AJAP1: variants seen among roughly 807,000 people sequenced by gnomAD.
The protein encoded by AJAP1 is adherens junction-associated protein 1.
In AJAP1, 5 loss-of-function variants were observed where a neutral mutation model predicts 35.0. The ratio of observed to expected loss-of-function variants is 0.14; its 90% CI spans 0.07 to 0.30. The LOEUF (loss-of-function observed/expected upper bound fraction) is 0.30, where lower values mean the gene tolerates loss of function less well. AJAP1 is among the 10% of genes least tolerant of loss of function. The probability of loss-of-function intolerance (pLI) is 1.00; values close to 1 mark genes in which losing one functional copy is unlikely to be tolerated. For missense variants in AJAP1, 586 were observed against 571.0 expected (o/e 1.03, Z -0.27); for synonymous variants, 284 against 249.3 (o/e 1.14, Z -1.31).
intron 3 of AJAP1, among the ~76,000 whole-genome samples, chr1:4,770,457 T>G (rs1641810111): frequency 6.6e-6 from 1 of 152,148 alleles, no homozygotes; most frequent in Admixed American, 6.5e-5. Context: ...TTTGCCTATT[T>G]CCTCCTAGAA....
At chr1:4,754,409 G>T (rs1051643299) in intron 2 of AJAP1, among the ~76,000 whole-genome samples, 6 of 152,190 alleles carry the variant, frequency 3.9e-5, no homozygotes, top group African/African-American at 7.2e-5. Flanking sequence ...TTCTCCTGTA[G>T]CAGAGACTCC....
chr1:4,781,369 C>T (rs1161482352), intron 5 of AJAP1, among the ~76,000 whole-genome samples: 1 of 152,200 alleles, frequency 6.6e-6, no homozygotes, highest in East Asian at 1.9e-4. Flanking sequence ...CCCACGTTCA[C>T]AAACACTACC....
Position 4,788,649 on chromosome 1 carries a change from T to G in AJAP1, c.*6164T>G, listed in dbSNP as rs1422180255. Reference sequence around the variant, plus strand: ...GCTCCCCTCAGAACAGCCAGCCCGGTGCAGAAGCACTTGAACTTCTCATCT... The same window carrying G: ...GCTCCCCTCAGAACAGCCAGCCCGGGGCAGAAGCACTTGAACTTCTCATCT... On this transcript the variant is annotated 3_prime_UTR_variant, in exon 6 of 6. Transcript: ENST00000378191. 1 of 152,344 alleles carries G rather than the reference T, an allele frequency of 6.6e-6. No individual in the cohort carries two copies. Among genetic ancestry groups the G allele is most frequent in the Non-Finnish European group, 1.5e-5 (1 of 68,162 alleles). The allele number at this position is 152,344 out of a possible 1,614,324, so 9.4% of individuals were successfully genotyped here. A position where few individuals can be genotyped will look rare whatever the true frequency, so the allele number is the denominator to read the frequency against.
rs1642254044 is a variant in AJAP1 at position 4,791,909 on chromosome 1, T to C, written c.*9424T>C. 6.6e-6 allele frequency: 1 copy of C among 152,166 alleles called. No homozygotes were observed. The highest frequency in any genetic ancestry group is 6.6e-5 in the Admixed American group (1 of 15,262). 9.4% of individuals were successfully genotyped at this position (152,166 alleles called of 1,614,324 possible). The stretch of plus-strand genomic sequence containing the variant: ...TCCCCCCTCCTCCTCAGCTCACCCA[T>C]GGAACTAGAAATTCACAAACCTGAA... On this transcript the variant is annotated 3_prime_UTR_variant, in exon 6 of 6. Transcript: ENST00000378191.
chr1:4,715,036 G>A (rs1366962274), intron 2 of AJAP1, among the ~76,000 whole-genome samples: 1 of 152,156 alleles, frequency 6.6e-6, no homozygotes, highest in African/African-American at 2.4e-5. Flanking sequence ...AGTAGAGGGG[G>A]ATGGGGCAGG....
rs540955780 is a variant in AJAP1 at position 4,791,390 on chromosome 1, G to A, written c.*8905G>A. The A allele has an allele frequency of 9.2e-5, 14 of 152,350 alleles. No homozygotes were observed. The highest frequency in any genetic ancestry group is 2.6e-4 in the African/African-American group (11 of 41,582). 9.4% of individuals were successfully genotyped at this position (152,350 alleles called of 1,614,324 possible). A position where few individuals can be genotyped will look rare whatever the true frequency, so the allele number is the denominator to read the frequency against. ...TTTAGAAAATACCAATAACCAAACA[G>A]AAGGGAAATGTCTGGAACCTTCCAG... On this transcript the variant is annotated 3_prime_UTR_variant, in exon 6 of 6. Transcript: ENST00000378191.
rs1640124451 is a variant in AJAP1, at chr1:4,707,433, G to A, written c.30-4467G>A. Among the ~76,000 whole-genome samples, 3 of 151,694 alleles carry A rather than the reference G, an allele frequency of 2.0e-5. No individual in the cohort carries two copies. In the South Asian group the frequency reaches 6.3e-4, roughly 32 times the overall value. On this transcript the variant is annotated intron_variant, in intron 1 of 5. Transcript: ENST00000378191. The stretch of plus-strand genomic sequence containing the variant: ...CCCTACCCCATTACCCCTTCCCCAA[G>A]CCTTGGGCAATTGCTCATCTTTCTG...
rs72639925 is a variant in AJAP1, at chr1:4,768,520, G to A, written c.830-1333G>A. Among the ~76,000 whole-genome samples, 548 of 152,340 alleles carry A rather than the reference G, an allele frequency of 3.6e-3. 3 individuals carry two copies. The highest frequency in any genetic ancestry group is 6.6e-3 in the Non-Finnish European group (446 of 68,036). ...TTTAAGAGACTGTCCTTGGGAGGCC[G>A]CCAGAAAAATCTTGACACTGAAACC... On this transcript the variant is annotated intron_variant, in intron 2 of 5. Transcript: ENST00000378191.
In AJAP1 at chr1:4,723,732, T is replaced by C. The variant is rs1218420368; in HGVS notation, c.829+11033T>C. ...TGCAGGGGTTTGGGGAAAGGGAAGCTGTAGTTGGAGGACTATGGAGGTGGA... is the reference window on the plus strand; with the variant it reads ...TGCAGGGGTTTGGGGAAAGGGAAGCCGTAGTTGGAGGACTATGGAGGTGGA... On this transcript the variant is annotated intron_variant, in intron 2 of 5. Transcript: ENST00000378191. The surrounding 1 kb of genome is among the most constrained non-coding windows in gnomAD (Gnocchi z 4.3). 6.6e-6 allele frequency among the ~76,000 whole-genome samples: 1 copy of C among 151,450 alleles called. No individual in the cohort carries two copies. The highest frequency in any genetic ancestry group is 1.5e-5 in the Non-Finnish European group (1 of 67,932).
chr1:4,776,571 C>CA (rs1037438350), intron 5 of AJAP1, among the ~76,000 whole-genome samples: 5 of 151,840 alleles, frequency 3.3e-5, no homozygotes, highest in East Asian at 1.9e-4. Flanking sequence ...TAAAATAGGG[C>CA]AAAAAAAAGT....
At position 4,734,150 on chromosome 1, in the gene AJAP1, C is replaced by G. The variant is rs925323778; in HGVS notation, c.829+21451C>G. On this transcript the variant is annotated intron_variant, in intron 2 of 5. Transcript: ENST00000378191. The surrounding 1 kb of genome is among the most constrained non-coding windows in gnomAD (Gnocchi z 4.3). ...ATCCAAATACAGACCTGCCAGGGCC[C>G]TGAACCCATGCACTTGTTCTGTGTG... 3.4e-4 allele frequency among the ~76,000 whole-genome samples: 52 copies of G among 152,328 alleles called. No individual in the cohort carries two copies. The highest frequency in any genetic ancestry group is 1.1e-3 in the African/African-American group (45 of 41,566).
At chr1:4,667,917 A>G (rs950068865) in intron 1 of AJAP1, among the ~76,000 whole-genome samples, 1 of 152,196 alleles carries the variant, frequency 6.6e-6, no homozygotes, top group East Asian at 1.9e-4. Flanking sequence ...CTCCCTAAAG[A>G]ATGCCGTTAG....
intron 2 of AJAP1, among the ~76,000 whole-genome samples, chr1:4,748,787 G>T (rs1156269161): frequency 1.3e-5 from 2 of 150,646 alleles, no homozygotes; most frequent in African/African-American, 4.9e-5. Context: ...ATGGAACCAG[G>T]GCTCTTACAA....
intron 2 of AJAP1, among the ~76,000 whole-genome samples, chr1:4,736,194 A>G (rs1640919412): frequency 1.3e-5 from 2 of 152,250 alleles, no homozygotes; most frequent in African/African-American, 4.8e-5. Flanking sequence ...TAGTTTTCAC[A>G]TAGTTGCCCC....
chr1:4,745,428 A>C (rs1258448910), intron 2 of AJAP1, among the ~76,000 whole-genome samples: 1 of 152,090 alleles, frequency 6.6e-6, no homozygotes, highest in Non-Finnish European at 1.5e-5. Context: ...CCTGCCCTCC[A>C]TCCTGGAGGG....
In AJAP1 at chr1:4,760,501, G is replaced by A. The variant is rs538940112; in HGVS notation, c.830-9352G>A. 4.6e-5 allele frequency among the ~76,000 whole-genome samples: 7 copies of A among 152,210 alleles called. No individual in the cohort carries two copies. In the South Asian group the frequency reaches 1.2e-3, roughly 27 times the overall value. ...CTTCCAGCACTGGACTTTCTGCTCC[G>A]GAGAAGGTGCTGCTGCCTGTCACGG... On this transcript the variant is annotated intron_variant, in intron 2 of 5. Coordinates refer to ENST00000378191, the MANE Select transcript of AJAP1 (RefSeq NM_018836.4).
intron 2 of AJAP1, among the ~76,000 whole-genome samples, chr1:4,751,694 A>G (rs915922199): frequency 6.6e-6 from 1 of 152,232 alleles, no homozygotes; most frequent in African/African-American, 2.4e-5. Context: ...TCCAAAGAGC[A>G]CAGAGGCCTG....
intron 1 of AJAP1, among the ~76,000 whole-genome samples, chr1:4,686,895 C>T (rs1410310274): frequency 1.3e-5 from 2 of 152,190 alleles, no homozygotes; most frequent in Non-Finnish European, 2.9e-5. Context: ...TCTAGGATGT[C>T]AACCTCCAAG....
chr1:4,675,079 G>A (rs1389093523), intron 1 of AJAP1, among the ~76,000 whole-genome samples: 2 of 152,300 alleles, frequency 1.3e-5, no homozygotes, highest in East Asian at 3.9e-4. Flanking sequence ...CGGTGGGGGG[G>A]AAACAGAGCA....
Sources: gnomAD v4.1 joint callset for allele counts (sites outside exome capture counted in the v4.1 genomes callset) on GRCh38, gnomAD v4.1.1 for gene constraint, Gnocchi (gnomAD v3.1) non-coding constraint, MANE v1.5 for transcripts, NCBI Gene and HGNC (gene_info 2026-07-23, HGNC 2026-07-21) for gene names.